Variants in GABRA3 observed in about 807,000 individuals in gnomAD.
GABRA3 encodes gamma-aminobutyric acid type A receptor subunit alpha3, also known as gamma-aminobutyric acid receptor subunit alpha-3.
A neutral mutation model predicts 30.1 loss-of-function variants in GABRA3; 10 were observed. The ratio of observed to expected loss-of-function variants is 0.33; its 90% confidence interval spans 0.20 to 0.56. The LOEUF (loss-of-function observed/expected upper bound fraction) is 0.56. Ranked by LOEUF, GABRA3 falls within the 20% of genes least tolerant of loss-of-function variation. GABRA3 has a pLI of 0.89. For synonymous variants in GABRA3, 151 were observed against 146.8 expected (o/e 1.03, Z -0.21); for missense variants, 233 against 392.0 (o/e 0.59, Z 3.42).
At chrX:152,409,478 T>C (rs754424524) in intron 1 of GABRA3, among the ~76,000 whole-genome samples, 2 of 111,986 alleles carry the variant, frequency 1.8e-5, no homozygotes, top group African/African-American at 6.5e-5. Context: ...ATTTATTGAC[T>C]AAGACCTCAA....
intron 3 of GABRA3, among the ~76,000 whole-genome samples, chrX:152,338,656 T>C (rs1338925564): frequency 1.8e-5 from 2 of 112,328 alleles, no homozygotes; most frequent in Non-Finnish European, 3.8e-5. Flanking sequence ...AACAGTTTTA[T>C]AGTTCAGGTT....
At chrX:152,282,153 G>A (rs753180337) in intron 4 of GABRA3, among the ~76,000 whole-genome samples, 1 of 111,847 alleles carries the variant, frequency 8.9e-6, no homozygotes, top group African/African-American at 3.2e-5. Context: ...TGTTCAAAGT[G>A]GCAGCGTAAT....
At chrX:152,229,685 G>A (rs989216277) in intron 5 of GABRA3, among the ~76,000 whole-genome samples, 1 of 110,180 alleles carries the variant, frequency 9.1e-6, no homozygotes, top group Admixed American at 9.9e-5. Context: ...TAGAAGATGA[G>A]TTCAAAGAGG....
At chrX:152,411,904 G>A (rs1224309853) in intron 1 of GABRA3, among the ~76,000 whole-genome samples, 1 of 110,665 alleles carries the variant, frequency 9.0e-6, no homozygotes, top group African/African-American at 3.3e-5. Flanking sequence ...TTAAAAGATG[G>A]GCTACAAGTA....
At chrX:152,236,572 T>G (rs1426685728) in intron 5 of GABRA3, among the ~76,000 whole-genome samples, 1 of 101,726 alleles carries the variant, frequency 9.8e-6, no homozygotes, top group Non-Finnish European at 2.0e-5. Context: ...ATCGCCACAC[T>G]GACTTCCACA....
At chrX:152,262,132 G>A (rs892644388) in intron 4 of GABRA3, among the ~76,000 whole-genome samples, 1 of 112,280 alleles carries the variant, frequency 8.9e-6, no homozygotes, top group African/African-American at 3.2e-5. Flanking sequence ...TGAAGATGCA[G>A]GGCACTGTCC....
At chrX:152,397,475 G>A (rs950607489) in intron 1 of GABRA3, among the ~76,000 whole-genome samples, 8 of 111,327 alleles carry the variant, frequency 7.2e-5, no homozygotes, top group African/African-American at 2.3e-4. Flanking sequence ...TTATGCTTCA[G>A]GTAGGAAATG....
chrX:152,170,667 C>T (rs1354122509), intron 9 of GABRA3, among the ~76,000 whole-genome samples: 1 of 111,557 alleles, frequency 9.0e-6, no homozygotes, highest in African/African-American at 3.3e-5. Context: ...TGGGCCACAG[C>T]GTGCATGGCA....
chrX:152,342,029 C>T (rs745754249), intron 3 of GABRA3, among the ~76,000 whole-genome samples: 12 of 111,577 alleles, frequency 1.1e-4, no homozygotes, highest in Middle Eastern at 4.6e-3. Flanking sequence ...CACCTCACCA[C>T]GCCTGGCTAA....
chrX:152,204,448 T>C (rs903322921), intron 7 of GABRA3, among the ~76,000 whole-genome samples: 35 of 111,601 alleles, frequency 3.1e-4, no homozygotes, highest in African/African-American at 1.1e-3. Flanking sequence ...TTATAGACTC[T>C]GGAGCAAGTT....
At chrX:152,442,115 AAT>A (rs1230680359) in intron 1 of GABRA3, among the ~76,000 whole-genome samples, 2 of 111,764 alleles carry the variant, frequency 1.8e-5, no homozygotes, top group Non-Finnish European at 3.8e-5. Context: ...AAGTCTTATG[AAT>A]CAGTAAGAAG....
In GABRA3 at chrX:152,203,885, T is replaced by TCCATGTAACC. The variant is rs1278952072; in HGVS notation, c.778+4106_778+4115dup. Among the ~76,000 whole-genome samples, 3 of 111,865 alleles carry TCCATGTAACC rather than the reference T, an allele frequency of 2.7e-5. No homozygotes were observed. In the East Asian group the frequency reaches 8.4e-4, roughly 31 times the overall value. ...TGATTAGGCACCTTAATCCCCCCTTTCCATGTAACCTAACATGTTCACAGG... is the reference window on the plus strand; with the variant it reads ...TGATTAGGCACCTTAATCCCCCCTTTCCATGTAACCCCATGTAACCTAACATGTTCACAGG... On this transcript the variant is annotated intron_variant, in intron 7 of 9. Coordinates refer to ENST00000370314, the MANE Select transcript of GABRA3 (RefSeq NM_000808.4).
intron 3 of GABRA3, among the ~76,000 whole-genome samples, chrX:152,342,203 G>A (rs1473174424): frequency 8.9e-6 from 1 of 112,762 alleles, no homozygotes; most frequent in Admixed American, 9.4e-5. Context: ...CATTCTTGCA[G>A]GAGGAATGTA....
intron 7 of GABRA3, among the ~76,000 whole-genome samples, chrX:152,199,111 A>T (rs771157984): frequency 9.0e-6 from 1 of 111,563 alleles, no homozygotes; most frequent in South Asian, 3.8e-4. Flanking sequence ...GCCTGCCTGT[A>T]ATCCCAGCAC....
rs201621383 is a variant in GABRA3, at chrX:152,232,623, TTGTG to T, written c.552-7782_552-7779del. Among the ~76,000 whole-genome samples the T allele has an allele frequency of 1.6e-4, 17 of 106,261 alleles. No homozygotes were observed. The East Asian group carries it at 4.8e-3, about 30-fold the overall frequency. The allele number at this position is 106,261 out of a possible 115,157, so 92.3% of individuals were successfully genotyped here. On this transcript the variant is annotated intron_variant, in intron 5 of 9. Transcript: ENST00000370314. ...TATTTTATTGATAAATAGTGTTCTA[TTGTG>T]TGTGTGTGTGTGTATATATGTAACA...
At chrX:152,425,811 T>G (rs1930501992) in intron 1 of GABRA3, among the ~76,000 whole-genome samples, 1 of 110,233 alleles carries the variant, frequency 9.1e-6, no homozygotes, top group Non-Finnish European at 1.9e-5. Flanking sequence ...CTGATGTACT[T>G]CTTGAATAAA....
In GABRA3 at chrX:152,173,240, T is replaced by TG. The variant is rs558345334; in HGVS notation, c.1144-4678dup. On this transcript the variant is annotated intron_variant, in intron 9 of 9. Transcript: ENST00000370314. Reference sequence around the variant, plus strand: ...TTGCACCACTTTCCTGTAAAGGCGGTGGGGGGGTGGGGGTTATCTAGAGCA... The same window carrying TG: ...TTGCACCACTTTCCTGTAAAGGCGGTGGGGGGGGTGGGGGTTATCTAGAGCA... 4.3e-3 allele frequency among the ~76,000 whole-genome samples: 450 copies of TG among 104,095 alleles called. 5 individuals carry two copies. In the Middle Eastern group the frequency reaches 0.083, roughly 19 times the overall value. The allele number at this position is 104,095 out of a possible 115,157, so 90.4% of individuals were successfully genotyped here.
At chrX:152,195,814 G>A (rs1937377874) in intron 8 of GABRA3, among the ~76,000 whole-genome samples, 1 of 111,440 alleles carries the variant, frequency 9.0e-6, no homozygotes, top group African/African-American at 3.3e-5. Flanking sequence ...CAACTACAAA[G>A]TTATTTTTGC....
At chrX:152,256,099 G>A in intron 4 of GABRA3, 101 bp from the exon 5 acceptor site, 1 of 565,411 alleles carries the variant, frequency 1.8e-6, no homozygotes, top group South Asian at 2.6e-5. Flanking sequence ...TTCCTCTGAT[G>A]CAGAGAAGCA....
Sources: gnomAD v4.1 joint callset for allele counts (sites outside exome capture counted in the v4.1 genomes callset) on GRCh38, gnomAD v4.1.1 for gene constraint, MANE v1.5 for transcripts, NCBI Gene and HGNC (gene_info 2026-07-23, HGNC 2026-07-21) for gene names.